Variants in DLGAP2 observed in about 807,000 individuals in gnomAD.
DLGAP2 encodes the protein DLG associated protein 2.
In DLGAP2, 26 loss-of-function variants were observed where a neutral mutation model predicts 100.3. The observed-to-expected ratio is 0.26, with a 90% CI of 0.19 to 0.36. The LOEUF is 0.36. Ranked by LOEUF, DLGAP2 falls within the 10% of genes least tolerant of loss-of-function variation. The probability of loss-of-function intolerance (pLI) is 1.00; values close to 1 mark genes in which losing one functional copy is unlikely to be tolerated. For missense variants in DLGAP2, 1,858 were observed against 1,453.2 expected, an observed-to-expected ratio of 1.28 and a Z score of -4.53; for synonymous variants, 886 against 630.1, an observed-to-expected ratio of 1.41 and a Z score of -6.08.
chr8:1,632,841 G>A lies in DLGAP2; in HGVS notation c.1605G>A (p.Glu535=). The A allele has an allele frequency of 6.2e-7, 1 of 1,611,060 alleles. No homozygotes were observed. Among genetic ancestry groups the A allele is most frequent in the Non-Finnish European group, 8.5e-7 (1 of 1,177,892 alleles). ...GATGATTGCAGGTGAGCGAGGCGGA[G>A]ATCAATGGGCAATTCGAGTCCGTGT... is the stretch of plus-strand genomic sequence containing the variant. The part of the protein sequence containing the change: ...ASCVSQVSEA[E]INGQFESVCE... The change falls in exon 8 of 15, where the codon GAG becomes GAA. Residue 535 remains glutamate (E), a synonymous_variant. Transcript: ENST00000637795.
At chr8:1,207,724 C>T (rs1303438990) in intron 2 of DLGAP2, among the ~76,000 whole-genome samples, 1 of 152,164 alleles carries the variant, frequency 6.6e-6, no homozygotes, top group African/African-American at 2.4e-5. Context: ...TTCATGCCAA[C>T]ATCTATTTTT....
At chr8:1,120,742 A>G (rs1189434963) in intron 2 of DLGAP2, among the ~76,000 whole-genome samples, 3 of 151,732 alleles carry the variant, frequency 2.0e-5, no homozygotes, top group Non-Finnish European at 4.4e-5. Context: ...GAACCCATGA[A>G]CACCCATCCT....
At chr8:862,553 A>G (rs1468726129) in intron 1 of DLGAP2, among the ~76,000 whole-genome samples, 2 of 152,094 alleles carry the variant, frequency 1.3e-5, no homozygotes, top group Non-Finnish European at 1.5e-5. Context: ...CTGGCCTCCC[A>G]AAGTGCTGGG....
intron 2 of DLGAP2, among the ~76,000 whole-genome samples, chr8:934,695 A>T (rs1209460553): frequency 6.6e-6 from 1 of 152,064 alleles, no homozygotes; most frequent in Admixed American, 6.6e-5. Context: ...ATGCTCGCTC[A>T]TGCTCATGAG....
intron 2 of DLGAP2, among the ~76,000 whole-genome samples, chr8:974,343 C>T (rs1278719250): frequency 2.6e-5 from 4 of 152,046 alleles, no homozygotes; most frequent in African/African-American, 9.7e-5. Flanking sequence ...ACCATGCAAG[C>T]AGGAAAAAAG....
intron 1 of DLGAP2, among the ~76,000 whole-genome samples, chr8:750,195 G>A (rs539827256): frequency 1.4e-4 from 21 of 152,340 alleles, no homozygotes; most frequent in African/African-American, 4.6e-4. Flanking sequence ...TCTGGAGGCC[G>A]TTGCCAGAGC....
intron 2 of DLGAP2, among the ~76,000 whole-genome samples, chr8:946,350 G>A (rs530771361): frequency 4.0e-4 from 60 of 150,278 alleles, no homozygotes; most frequent in Admixed American, 1.6e-3. Flanking sequence ...TGCAAGCTCC[G>A]CCTCCCGGGT....
At chr8:1,624,267 C>T (rs1266737282) in intron 6 of DLGAP2, among the ~76,000 whole-genome samples, 2 of 152,002 alleles carry the variant, frequency 1.3e-5, no homozygotes, top group Non-Finnish European at 2.9e-5. Context: ...GGTATGAAAC[C>T]AGCAATCTCA....
chr8:1,588,836 C>A (rs575081823), intron 6 of DLGAP2, among the ~76,000 whole-genome samples: 5 of 151,830 alleles, frequency 3.3e-5, no homozygotes, highest in Non-Finnish European at 7.4e-5. Flanking sequence ...GCAGGAGAAT[C>A]CCTTGACCCC....
chr8:1,372,839 T>G (rs1270439451), intron 3 of DLGAP2, among the ~76,000 whole-genome samples: 1 of 152,238 alleles, frequency 6.6e-6, no homozygotes, highest in African/African-American at 2.4e-5. Context: ...ATCAAATTCA[T>G]TTCAATGCCA....
In DLGAP2 at chr8:1,705,876, T is replaced by C. The variant is rs1181612723; in HGVS notation, c.*4470T>C. On this transcript the variant is annotated 3_prime_UTR_variant, in exon 15 of 15. Coordinates refer to ENST00000637795, the MANE Select transcript of DLGAP2 (RefSeq NM_001346810.2). ...AATACAAGTTTCCAAAACTTTAAAA[T>C]AGAAAACCACGAGCTTAAGAGGTGA... The C allele has an allele frequency of 2.0e-5, 3 of 152,160 alleles. No individual in the cohort carries two copies. The highest frequency in any genetic ancestry group is 1.3e-4 in the Admixed American group (2 of 15,276). The allele number at this position is 152,160 out of a possible 1,614,324, so 9.4% of individuals were successfully genotyped here.
intron 4 of DLGAP2, among the ~76,000 whole-genome samples, chr8:1,514,431 A>G (rs1299333462): frequency 6.6e-6 from 1 of 152,264 alleles, no homozygotes; most frequent in East Asian, 1.9e-4. Flanking sequence ...AACTTAATGA[A>G]ATTGTATAAA....
At chr8:1,336,036 C>A (rs563103578) in intron 3 of DLGAP2, among the ~76,000 whole-genome samples, 1 of 152,184 alleles carries the variant, frequency 6.6e-6, no homozygotes, top group African/African-American at 2.4e-5. Context: ...AAACTCTGAG[C>A]GGTGCTGGGC....
chr8:746,897 C>A (rs1478116707), intron 1 of DLGAP2, among the ~76,000 whole-genome samples: 1 of 152,148 alleles, frequency 6.6e-6, no homozygotes, highest in African/African-American at 2.4e-5. Flanking sequence ...AGGACGGTGC[C>A]CCTGTTAGGG....
chr8:805,776 G>A (rs557729114), intron 1 of DLGAP2, among the ~76,000 whole-genome samples: 10 of 152,260 alleles, frequency 6.6e-5, no homozygotes, highest in South Asian at 2.1e-4. Flanking sequence ...CCTTGGCCTC[G>A]GCCTCCCAAA....
intron 3 of DLGAP2, among the ~76,000 whole-genome samples, chr8:1,337,005 C>T (rs934949842): frequency 3.3e-5 from 5 of 152,072 alleles, no homozygotes; most frequent in African/African-American, 9.7e-5. Flanking sequence ...GGAGCAGAGG[C>T]AATGAGTCTC....
Position 1,413,030 on chromosome 8 carries a change from GTC to G in DLGAP2, c.107-88335_107-88334del, listed in dbSNP as rs747511799. ...AAATCCTTCAATACCCAGCTCAAGTGTCCCCTCCTCTGTGAAGAGGGCTTCCT... is the reference window on the plus strand; with the variant it reads ...AAATCCTTCAATACCCAGCTCAAGTGCCCTCCTCTGTGAAGAGGGCTTCCT... On this transcript the variant is annotated intron_variant, in intron 3 of 14. Coordinates refer to ENST00000637795, the MANE Select transcript of DLGAP2 (RefSeq NM_001346810.2). Among the ~76,000 whole-genome samples, 22 of 152,238 alleles carry G rather than the reference GTC, an allele frequency of 1.4e-4. No individual in the cohort carries two copies. The South Asian group carries it at 4.6e-3, about 32-fold the overall frequency.
rs553293908 is a variant in DLGAP2 at position 1,298,696 on chromosome 8, G to A, written c.106+39813G>A. 5.9e-5 allele frequency among the ~76,000 whole-genome samples: 9 copies of A among 152,308 alleles called. No individual in the cohort carries two copies. The South Asian group carries it at 1.9e-3, about 32-fold the overall frequency. ...GTAGATGCCGAGGGCCCCAGGACAA[G>A]CATGCATGCATGCCAGAGGGGAACT... is the stretch of plus-strand genomic sequence containing the variant. On this transcript the variant is annotated intron_variant, in intron 3 of 14. Coordinates refer to ENST00000637795, the MANE Select transcript of DLGAP2 (RefSeq NM_001346810.2).
intron 3 of DLGAP2, among the ~76,000 whole-genome samples, chr8:1,366,618 A>G (rs972563626): frequency 6.6e-6 from 1 of 152,126 alleles, no homozygotes; most frequent in African/African-American, 2.4e-5. Context: ...ACAGGAACAG[A>G]GCAGGGGACC....
Sources: allele counts gnomAD v4.1 joint callset (sites outside exome capture counted in the v4.1 genomes callset), GRCh38; gene constraint gnomAD v4.1.1; transcripts MANE v1.5; gene names NCBI Gene and HGNC (gene_info 2026-07-23, HGNC 2026-07-21).